Variants in COA8 observed in about 807,000 individuals in gnomAD.
COA8 encodes the protein cytochrome c oxidase assembly factor 8.
In COA8, 20 loss-of-function variants were observed where a neutral mutation model predicts 22.0. The observed-to-expected ratio is 0.91, with a 90% CI of 0.64 to 1.32. The LOEUF is 1.32. Ranked by LOEUF, COA8 falls within the 40% of genes most tolerant of loss-of-function variation. The pLI is 0.00. For synonymous variants in COA8, 105 were observed against 79.9 expected (o/e 1.31, Z -1.68); for missense variants, 266 against 230.0 (o/e 1.16, Z -1.01).
At chr14:103,564,549 T>C (rs988510653) in intron 1 of COA8, among the ~76,000 whole-genome samples, 6 of 151,202 alleles carry the variant, frequency 4.0e-5, no homozygotes, top group Non-Finnish European at 8.8e-5. Context: ...AAATAAGGAT[T>C]TCTCTATTGT....
rs80048207 is a variant in COA8, at chr14:103,569,243, C to G, written c.124-2380C>G. On this transcript the variant is annotated intron_variant, in intron 1 of 4. Coordinates refer to ENST00000409074, the MANE Select transcript of COA8 (RefSeq NM_001370595.2). Reference sequence around the variant, plus strand: ...TCTTACCAAAGGACATTTTCCTCCCCCAAGCTGCTTGTCCTCGCTTTTAAA... The same window carrying G: ...TCTTACCAAAGGACATTTTCCTCCCGCAAGCTGCTTGTCCTCGCTTTTAAA... Among the ~76,000 whole-genome samples the G allele has an allele frequency of 5.7e-3, 870 of 152,282 alleles. 13 individuals are homozygous for G. Among genetic ancestry groups the G allele is most frequent in the African/African-American group, 0.02 (833 of 41,564 alleles).
intron 1 of COA8, chr14:103,567,446 T>G (rs2076144338): frequency 6.6e-6 from 1 of 151,980 alleles, no homozygotes; most frequent in African/African-American, 2.4e-5. Context: ...GAGATTTATC[T>G]GAGGTGTGAT....
intron 3 of COA8, among the ~76,000 whole-genome samples, chr14:103,578,976 G>C (rs950195241): frequency 3.3e-5 from 5 of 152,220 alleles, no homozygotes; most frequent in African/African-American, 1.2e-4. Flanking sequence ...ATGGAGGTAA[G>C]TCACAGCTCT....
intron 1 of COA8, 148 bp downstream of exon 1, chr14:103,563,272 C>G: frequency 9.2e-7 from 1 of 1,082,008 alleles, no homozygotes; most frequent in Non-Finnish European, 1.4e-6. Flanking sequence ...TCCCGCAGCC[C>G]CGAGGCTCCC....
chr14:103,576,752 G>A (rs2076233140), intron 3 of COA8, among the ~76,000 whole-genome samples: 1 of 152,236 alleles, frequency 6.6e-6, no homozygotes, highest in Non-Finnish European at 1.5e-5. Context: ...CCTTTCCTCA[G>A]GCTGGCTCCA....
At chr14:103,573,596 A>T (rs1207681165) in intron 2 of COA8, among the ~76,000 whole-genome samples, 2 of 151,960 alleles carry the variant, frequency 1.3e-5, no homozygotes, top group Non-Finnish European at 2.9e-5. Context: ...TCTGTTGTCC[A>T]GGCTGGAGTG....
intron 4 of COA8, among the ~76,000 whole-genome samples, chr14:103,587,683 A>G (rs539494173): frequency 1.3e-5 from 2 of 151,032 alleles, no homozygotes; most frequent in East Asian, 4.0e-4. Flanking sequence ...AATTTTTTGT[A>G]TTTTTAGTAG....
At chr14:103,566,011 G>A (rs1371534161) in intron 1 of COA8, among the ~76,000 whole-genome samples, 1 of 152,166 alleles carries the variant, frequency 6.6e-6, no homozygotes, top group Non-Finnish European at 1.5e-5. Context: ...TCTGTGACTG[G>A]TAGAACCTAC....
chr14:103,584,034 T>TTTTGTTTG (rs567440513), intron 3 of COA8, among the ~76,000 whole-genome samples: 1 of 152,164 alleles, frequency 6.6e-6, no homozygotes, highest in Non-Finnish European at 1.5e-5. Context: ...TCCCAGCACC[T>TTTTGTTTG]TTTGTTTGTT....
At chr14:103,583,313 G>A (rs2076281402) in intron 3 of COA8, among the ~76,000 whole-genome samples, 1 of 152,052 alleles carries the variant, frequency 6.6e-6, no homozygotes, top group African/African-American at 2.4e-5. Flanking sequence ...GCCAAGGTGG[G>A]CGGATCACTT....
intron 4 of COA8, among the ~76,000 whole-genome samples, chr14:103,587,657 G>A (rs571666724): frequency 4.9e-4 from 74 of 151,324 alleles, no homozygotes; most frequent in Non-Finnish European, 8.6e-4. Flanking sequence ...ACAGGCACCC[G>A]CCAGCACGCC....
intron 1 of COA8, among the ~76,000 whole-genome samples, chr14:103,568,488 CAT>C (rs994413331): frequency 1.8e-4 from 27 of 151,810 alleles, no homozygotes; most frequent in African/African-American, 4.1e-4. Context: ...TATATACACA[CAT>C]ATATATACAC....
At chr14:103,587,396 A>G (rs751820338) in intron 4 of COA8, 32 bp downstream of exon 4, 1 of 1,472,804 alleles carries the variant, frequency 6.8e-7, no homozygotes, top group Non-Finnish European at 9.4e-7. Context: ...GAAAATTTGA[A>G]TAGCACATCC....
At position 103,590,553 on chromosome 14, in the gene COA8, T is replaced by G; in HGVS notation, c.*267T>G. 2.7e-6 allele frequency: 1 copy of G among 374,286 alleles called. No homozygotes were observed. The highest frequency in any genetic ancestry group is 4.9e-6 in the Non-Finnish European group (1 of 205,028). 23.2% of individuals were successfully genotyped at this position (374,286 alleles called of 1,614,324 possible). ...TGCCCGTTTCCTGTGTTTCGAATTA[T>G]ACCAATTCAAAACAGAACTATTTAA... On this transcript the variant is annotated 3_prime_UTR_variant, in exon 5 of 5. Coordinates refer to ENST00000409074, the MANE Select transcript of COA8 (RefSeq NM_001370595.2).
At chr14:103,586,190 T>C (rs2076305285) in intron 3 of COA8, among the ~76,000 whole-genome samples, 1 of 137,540 alleles carries the variant, frequency 7.3e-6, no homozygotes, top group African/African-American at 2.6e-5. Context: ...CGTGAGCCAC[T>C]GCACCTGGCC....
chr14:103,585,608 G>A (rs148756427), intron 3 of COA8, among the ~76,000 whole-genome samples: 2,851 of 122,242 alleles, frequency 0.023, 72 homozygotes, highest in Middle Eastern at 0.071. Context: ...ACAGAGTCTC[G>A]CTCTGTCGCC....
rs746886178 is a variant in COA8, at chr14:103,571,641, C to T, written c.142C>T (p.Pro48Ser). ...APSGVSRFCP[P>S]RKSCHDWIGP... is the part of the protein sequence containing the mutation. ...GTTAAAGGTCTCAAGATTCTGCCCT[C>T]CAAGAAAGTCTTGCCATGATTGGAT... The change falls in exon 2 of 5, where the codon CCA (proline) becomes TCA (serine). Residue 48 changes from proline to serine, a missense_variant. Transcript: ENST00000409074. The T allele has an allele frequency of 8.7e-6, 14 of 1,614,002 alleles. No individual in the cohort carries two copies. In the East Asian group the frequency reaches 1.3e-4, roughly 15 times the overall value.
intron 1 of COA8, among the ~76,000 whole-genome samples, chr14:103,570,967 G>C (rs913194307): frequency 1.3e-5 from 2 of 152,194 alleles, no homozygotes; most frequent in African/African-American, 4.8e-5. Context: ...TCCAGGAGGA[G>C]CCATCACGTT....
At chr14:103,573,058 A>G (rs916159408) in intron 2 of COA8, among the ~76,000 whole-genome samples, 3 of 151,840 alleles carry the variant, frequency 2.0e-5, no homozygotes, top group Non-Finnish European at 4.4e-5. Context: ...TGGGATTACA[A>G]GCATAAGCCA....
Sources: allele counts gnomAD v4.1 joint callset (sites outside exome capture counted in the v4.1 genomes callset), GRCh38; gene constraint gnomAD v4.1.1; transcripts MANE v1.5; gene names NCBI Gene and HGNC (gene_info 2026-07-23, HGNC 2026-07-21).